CLPX: variants seen among roughly 807,000 people sequenced by gnomAD.
CLPX encodes caseinolytic mitochondrial matrix peptidase chaperone subunit X.
In CLPX, 34 loss-of-function variants were observed where a neutral mutation model predicts 76.4. The ratio of observed to expected loss-of-function variants is 0.45; its 90% CI spans 0.34 to 0.59. CLPX has a LOEUF of 0.59. Ranked by LOEUF, CLPX falls within the 20% of genes least tolerant of loss-of-function variation. CLPX has a pLI of 0.01. For missense variants in CLPX, 613 were observed against 757.0 expected (o/e 0.81, Z 2.23); for synonymous variants, 248 against 270.9 (o/e 0.92, Z 0.83).
At chr15:65,157,093 A>T (rs1447170743) in intron 8 of CLPX, among the ~76,000 whole-genome samples, 161 bp from the exon 9 acceptor site, 1 of 152,246 alleles carries the variant, frequency 6.6e-6, no homozygotes, top group African/African-American at 2.4e-5. Flanking sequence ...TATTTCTTCC[A>T]TCCATCATTT....
intron 12 of CLPX, 76 bp from the exon 13 acceptor site, chr15:65,152,612 T>C (rs1237274314): frequency 1.7e-6 from 1 of 574,046 alleles, no homozygotes; most frequent in African/African-American, 2.0e-5. Flanking sequence ...AATCACAAAT[T>C]GGAATCCATT....
intron 12 of CLPX, 63 bp from the exon 13 acceptor site, chr15:65,152,599 A>G (rs2087736518): frequency 2.6e-6 from 2 of 758,368 alleles, no homozygotes; most frequent in Admixed American, 3.2e-5. Flanking sequence ...CTTTTATTCT[A>G]TAAATCACAA....
At chr15:65,155,936 G>C (rs571731444) in intron 9 of CLPX, 80 bp from the exon 10 acceptor site, 1 of 1,236,048 alleles carries the variant, frequency 8.1e-7, no homozygotes, top group Non-Finnish European at 1.2e-6. Flanking sequence ...GATTAAATGG[G>C]GAAAACAATA....
chr15:65,157,031 G>A, intron 8 of CLPX, 99 bp from the exon 9 acceptor site: 1 of 684,242 alleles, frequency 1.5e-6, no homozygotes, highest in Non-Finnish European at 2.5e-6. Flanking sequence ...AAAGTTATTT[G>A]ATCTTTCATA....
At chr15:65,165,955 T>C (rs2087906893) in intron 4 of CLPX, among the ~76,000 whole-genome samples, 1 of 152,134 alleles carries the variant, frequency 6.6e-6, no homozygotes. Context: ...ATAATCTAAG[T>C]GTGCAAACAT....
chr15:65,155,947 T>A, intron 9 of CLPX, 91 bp from the exon 10 acceptor site: 1 of 1,140,588 alleles, frequency 8.8e-7, no homozygotes, highest in East Asian at 2.4e-5. Context: ...GAAAACAATA[T>A]GTGATTATAG....
In CLPX at chr15:65,166,776, C is replaced by T. The variant is rs2087920183; in HGVS notation, c.368G>A (p.Arg123His). 6 of 1,611,020 alleles carry T rather than the reference C, an allele frequency of 3.7e-6. No individual in the cohort carries two copies. The highest frequency in any genetic ancestry group is 1.7e-5 in the Admixed American group (1 of 59,046). ...ATGACACTTTTCACACTTGACAAAA[C>T]GGGTGGATGCTGTAAAAGAAAACAG... ...THVETFVSST[R>H]FVKCEKCHHF... is the part of the protein sequence containing the mutation. Residue 123 changes from arginine (R) to histidine (H), a missense_variant, in exon 4 of 14, where the codon CGT (arginine) becomes CAT (histidine). Arg to His is a conservative substitution (Grantham distance 29). This residue lies in a region of CLPX where 450 missense variants were observed against 638.6 expected (regional missense o/e 0.70). Coordinates refer to ENST00000300107, the MANE Select transcript of CLPX (RefSeq NM_006660.5).
At chr15:65,177,867 G>A (rs904309819) in intron 3 of CLPX, among the ~76,000 whole-genome samples, 3 of 151,922 alleles carry the variant, frequency 2.0e-5, no homozygotes, top group Non-Finnish European at 4.4e-5. Flanking sequence ...TTCAATGGCT[G>A]GCTCGCTGCT....
intron 6 of CLPX, among the ~76,000 whole-genome samples, chr15:65,162,187 T>TA (rs1470670784): frequency 6.6e-6 from 1 of 151,998 alleles, no homozygotes; most frequent in African/African-American, 2.4e-5. Flanking sequence ...CTGATGCTTG[T>TA]AGGGGCAATC....
At position 65,164,046 on chromosome 15, in the gene CLPX, G is replaced by A. The variant is rs772018299; in HGVS notation, c.656C>T (p.Thr219Ile). 10 of 1,613,222 alleles carry A rather than the reference G, an allele frequency of 6.2e-6. No homozygotes were observed. The Admixed American group carries it at 1.7e-4, about 27-fold the overall frequency. Residue 219 changes from threonine to isoleucine, a missense_variant, in exon 5 of 14, where the codon ACA becomes ATA. Physicochemically the swap from Thr to Ile is moderately conservative, Grantham distance 89. Around this residue, in one of 2 missense-constraint regions of CLPX, gnomAD observed 450 missense variants for 638.6 expected, o/e 0.70. Transcript: ENST00000300107. Reference sequence around the variant, plus strand: ...AACGCTACCTCTTGGTGTTAATGATGTCTGCTTCTCAACCTCTGCTTGCTG... The same window carrying A: ...AACGCTACCTCTTGGTGTTAATGATATCTGCTTCTCAACCTCTGCTTGCTG... ...LRQQAEVEKQTSLTPRELEIR... is the reference protein window; with the variant it reads ...LRQQAEVEKQISLTPRELEIR...
intron 3 of CLPX, among the ~76,000 whole-genome samples, chr15:65,167,712 C>T (rs1566982927): frequency 2.9e-5 from 4 of 139,384 alleles, no homozygotes; most frequent in Non-Finnish European, 4.7e-5. Context: ...CCCGTCTCTA[C>T]TAAAAAAAAA....
At chr15:65,162,580 AGAG>A in intron 6 of CLPX, 21 bp downstream of exon 6, 3 of 1,519,710 alleles carry the variant, frequency 2.0e-6, no homozygotes, top group Non-Finnish European at 1.8e-6. Flanking sequence ...GAATGATTAC[AGAG>A]GAGGACCTGA....
intron 3 of CLPX, among the ~76,000 whole-genome samples, chr15:65,171,460 AC>A (rs759501742): frequency 8.5e-5 from 13 of 152,200 alleles, no homozygotes; most frequent in South Asian, 2.1e-4. Context: ...AAAAAAAAAA[AC>A]ATTTCGGATA....
intron 13 of CLPX, among the ~76,000 whole-genome samples, chr15:65,151,456 GAAAAAAAAAAAA>G (rs529752332): frequency 0.012 from 905 of 74,620 alleles, 12 homozygotes; most frequent in Non-Finnish European, 0.016. Flanking sequence ...ATTACTGGGA[GAAAAAAAAAAAA>G]AAAAAAAAAA....
intron 3 of CLPX, among the ~76,000 whole-genome samples, chr15:65,172,289 G>T (rs1044251528): frequency 4.6e-5 from 7 of 152,050 alleles, no homozygotes; most frequent in African/African-American, 1.4e-4. Context: ...AAAAACAAGG[G>T]GCAAAAATCT....
At chr15:65,168,459 G>A (rs1346320804) in intron 3 of CLPX, among the ~76,000 whole-genome samples, 1 of 145,030 alleles carries the variant, frequency 6.9e-6, no homozygotes, top group African/African-American at 2.5e-5. Flanking sequence ...GGACATGGAT[G>A]AAGCTAGAAA....
intron 3 of CLPX, among the ~76,000 whole-genome samples, chr15:65,175,636 C>A (rs537404218): frequency 2.6e-5 from 4 of 152,188 alleles, no homozygotes; most frequent in Non-Finnish European, 5.9e-5. Context: ...GGTTAAGCAC[C>A]CCTACATGAA....
chr15:65,165,485 G>A (rs867898275), intron 4 of CLPX, among the ~76,000 whole-genome samples: 9 of 138,384 alleles, frequency 6.5e-5, no homozygotes, highest in Admixed American at 2.4e-4. Flanking sequence ...CCGGGTTCAC[G>A]CCATTCTCCT....
At chr15:65,163,989 C>CATAGCA in intron 5 of CLPX, 40 bp downstream of exon 5, 1 of 1,540,940 alleles carries the variant, frequency 6.5e-7, no homozygotes, top group Non-Finnish European at 8.9e-7. Context: ...TACTTTTAAG[C>CATAGCA]ATAGCAATCT....
Sources: allele counts gnomAD v4.1 joint callset (sites outside exome capture counted in the v4.1 genomes callset), GRCh38; gene constraint gnomAD v4.1.1; regional missense constraint gnomAD v4.1.1; transcripts MANE v1.5; gene names NCBI Gene and HGNC (gene_info 2026-07-23, HGNC 2026-07-21).